The following ADGRV1 variants were observed in gnomAD, a reference collection of about 807,000 sequenced individuals.
ADGRV1 encodes G-protein coupled receptor 98.
Under a neutral mutation model 596.2 loss-of-function variants are expected in ADGRV1, and 359 were observed. The observed-to-expected ratio is 0.60, with a 90% CI of 0.55 to 0.66. The LOEUF (loss-of-function observed/expected upper bound fraction) is 0.66. Among genes scored for constraint, ADGRV1 ranks in the 30% least tolerant of loss-of-function variants. The pLI is 0.00. For synonymous variants in ADGRV1, 2,681 were observed against 2,679.2 expected (o/e 1.00, Z -0.02); for missense variants, 7,274 against 7,575.6 (o/e 0.96, Z 1.48).
chr5:91,127,559 TC>T (rs1328704300), intron 87 of ADGRV1, among the ~76,000 whole-genome samples: 127 of 110,068 alleles, frequency 1.2e-3, no homozygotes, highest in African/African-American at 4.0e-3. Flanking sequence ...AAAAAAAAAA[TC>T]TTACTAGAGA....
In ADGRV1 at chr5:90,974,530, C is replaced by T. The variant is rs543997121; in HGVS notation, c.17973+8999C>T. On this transcript the variant is annotated intron_variant, in intron 84 of 89. Coordinates refer to ENST00000405460, the MANE Select transcript of ADGRV1 (RefSeq NM_032119.4). ...TAGACCAATGGAACAGAACAGAGCC[C>T]TCAGAAATAATACCACACGTCTACA... Among the ~76,000 whole-genome samples, 388 of 152,192 alleles carry T rather than the reference C, an allele frequency of 2.5e-3. 2 individuals are homozygous for T. The highest frequency in any genetic ancestry group is 9.0e-3 in the African/African-American group (375 of 41,528).
At chr5:90,851,586 G>C (rs543873437) in intron 79 of ADGRV1, among the ~76,000 whole-genome samples, 2 of 152,288 alleles carry the variant, frequency 1.3e-5, no homozygotes. Context: ...ATAATGCCAG[G>C]TGGCACTGAG....
chr5:90,624,372 TA>T (rs1392847707), intron 5 of ADGRV1, among the ~76,000 whole-genome samples: 11 of 152,194 alleles, frequency 7.2e-5, no homozygotes, highest in African/African-American at 2.6e-4. Context: ...TCATCCAGAG[TA>T]GAGTGTTTTC....
intron 53 of ADGRV1, among the ~76,000 whole-genome samples, chr5:90,753,345 AT>A (rs60457631): frequency 1.1e-4 from 17 of 151,116 alleles, no homozygotes; most frequent in South Asian, 2.1e-4. Context: ...ATTTGGCTGC[AT>A]TTTTTTTTAT....
intron 85 of ADGRV1, chr5:91,031,166 T>A: frequency 7.0e-7 from 1 of 1,436,710 alleles, no homozygotes; most frequent in South Asian, 1.2e-5. Flanking sequence ...AAAATAATTG[T>A]CCACAACCAA....
In ADGRV1 at chr5:91,002,233, A is replaced by G. The variant is rs541050312; in HGVS notation, c.18152+16711A>G. 8.5e-5 allele frequency among the ~76,000 whole-genome samples: 13 copies of G among 152,164 alleles called. No individual in the cohort carries two copies. In the South Asian group the frequency reaches 2.7e-3, roughly 32 times the overall value. On this transcript the variant is annotated intron_variant, in intron 85 of 89. Coordinates refer to ENST00000405460, the MANE Select transcript of ADGRV1 (RefSeq NM_032119.4). ...GCTCAATGAAATTTTTCAATCTTAC[A>G]CAGTCTATTTGCTATTTTTTCATTG...
intron 85 of ADGRV1, among the ~76,000 whole-genome samples, chr5:91,054,108 A>T (rs1876634): frequency 0.039 from 4,922 of 126,264 alleles, 165 homozygotes; most frequent in African/African-American, 0.11. Context: ...TGTGTGAGAG[A>T]GAGAGAGAGA....
chr5:90,678,247 A>G (rs1313584714), intron 25 of ADGRV1, among the ~76,000 whole-genome samples: 1 of 152,088 alleles, frequency 6.6e-6, no homozygotes, highest in South Asian at 2.1e-4. Flanking sequence ...AATCAAGGAT[A>G]TTGGTAGAAG....
At chr5:90,845,605 T>C (rs1289960293) in intron 78 of ADGRV1, among the ~76,000 whole-genome samples, 1 of 152,094 alleles carries the variant, frequency 6.6e-6, no homozygotes, top group African/African-American at 2.4e-5. Context: ...GGTATGATTT[T>C]TTTTTTACTC....
intron 21 of ADGRV1, among the ~76,000 whole-genome samples, chr5:90,665,486 T>G (rs903222090): frequency 3.2e-4 from 49 of 152,154 alleles, no homozygotes; most frequent in Non-Finnish European, 1.3e-4. Context: ...TTATTCCGTC[T>G]ATTTGATTCT....
At chr5:91,139,841 T>TTTCTCC (rs1241117228) in intron 87 of ADGRV1, among the ~76,000 whole-genome samples, 1 of 152,206 alleles carries the variant, frequency 6.6e-6, no homozygotes, top group Admixed American at 6.5e-5. Flanking sequence ...CCTCTTTCTC[T>TTTCTCC]TTCTCCTTGA....
chr5:90,953,897 A>G (rs1005846174), intron 83 of ADGRV1, among the ~76,000 whole-genome samples: 4 of 152,056 alleles, frequency 2.6e-5, no homozygotes, highest in Admixed American at 2.6e-4. Context: ...GATAAAAGAT[A>G]GGAACTGTTT....
intron 83 of ADGRV1, among the ~76,000 whole-genome samples, chr5:90,934,251 G>A (rs984742857): frequency 3.3e-5 from 5 of 152,108 alleles, no homozygotes; most frequent in Non-Finnish European, 5.9e-5. Context: ...CCAGGCCTTT[G>A]ATCTCTTCCT....
Position 90,683,941 on chromosome 5 carries a change from T to G in ADGRV1, c.6020T>G (p.Leu2007Arg). The G allele has an allele frequency of 6.2e-7, 1 of 1,613,876 alleles. No individual in the cohort carries two copies. Among genetic ancestry groups the G allele is most frequent in the Non-Finnish European group, 8.5e-7 (1 of 1,179,848 alleles). ...CTATCAATAATAAGGTTGAAAGGCC[T>G]CATGGGAAAAGTCCTTGTCTCATAT... is the stretch of plus-strand genomic sequence containing the variant. Reference protein sequence around the residue: ...ITLSIIRLKGLMGKVLVSYAT... With the variant: ...ITLSIIRLKGRMGKVLVSYAT... The change falls in exon 28 of 90, where the codon CTC becomes CGC. Residue 2007 changes from leucine to arginine, a missense_variant. Coordinates refer to ENST00000405460, the MANE Select transcript of ADGRV1 (RefSeq NM_032119.4).
At chr5:90,750,521 C>T (rs777408152) in intron 52 of ADGRV1, 30 bp from the exon 53 acceptor site, 2 of 1,559,726 alleles carry the variant, frequency 1.3e-6, no homozygotes, top group Non-Finnish European at 1.7e-6. Context: ...TTTCAGGGAA[C>T]CCCTTGTGAC....
intron 87 of ADGRV1, among the ~76,000 whole-genome samples, chr5:91,115,054 G>A (rs1392283705): frequency 1.3e-5 from 2 of 152,106 alleles, no homozygotes; most frequent in Admixed American, 6.6e-5. Context: ...CCAATAAATG[G>A]GTTTTGCTTC....
chr5:90,776,631 A>C (rs1348834687), intron 61 of ADGRV1, 55 bp downstream of exon 61: 1 of 1,551,528 alleles, frequency 6.4e-7, no homozygotes, highest in East Asian at 2.2e-5. Flanking sequence ...GTTTTATTTA[A>C]ATCATTAGTC....
Position 90,854,209 on chromosome 5 carries a change from T to A in ADGRV1, c.17594+8T>A. ...GAATCAGGCTGCTGCAAGGTACTTA[T>A]TAATAAAATAAAAAAATCAGAATTT... On this transcript the variant is annotated splice_region_variant and intron_variant, in intron 81 of 89. Coordinates refer to ENST00000405460, the MANE Select transcript of ADGRV1 (RefSeq NM_032119.4). The A allele has an allele frequency of 2.0e-6, 3 of 1,520,498 alleles. No individual in the cohort carries two copies. The highest frequency in any genetic ancestry group is 2.6e-6 in the Non-Finnish European group (3 of 1,135,034). The allele number at this position is 1,520,498 out of a possible 1,614,324, so 94.2% of individuals were successfully genotyped here.
intron 85 of ADGRV1, among the ~76,000 whole-genome samples, chr5:91,012,889 A>G (rs1782839748): frequency 6.6e-6 from 1 of 151,866 alleles, no homozygotes; most frequent in South Asian, 2.1e-4. Flanking sequence ...TCCACCTTCA[A>G]GTAGACACCA....
Sources: allele counts gnomAD v4.1 joint callset (sites outside exome capture counted in the v4.1 genomes callset), GRCh38; gene constraint gnomAD v4.1.1; transcripts MANE v1.5; gene names NCBI Gene and HGNC (gene_info 2026-07-23, HGNC 2026-07-21).